Variants in IGSF21 observed in about 807,000 individuals in gnomAD.
The protein encoded by IGSF21 is immunoglobin superfamily member 21, also known as immunoglobulin superfamily member 21.
IGSF21 carries 28 observed loss-of-function variants against 46.8 expected under a neutral mutation model. The ratio of observed to expected loss-of-function variants is 0.60; its 90% CI spans 0.44 to 0.82. The LOEUF (loss-of-function observed/expected upper bound fraction) is 0.82, where lower values mean the gene tolerates loss of function less well. Ranked by LOEUF, IGSF21 falls within the 40% of genes least tolerant of loss-of-function variation. IGSF21 has a pLI of 0.00. For missense variants in IGSF21, 624 were observed against 665.5 expected, an observed-to-expected ratio of 0.94 and a Z score of 0.69; for synonymous variants, 284 against 273.6, an observed-to-expected ratio of 1.04 and a Z score of -0.38.
Position 18,362,201 on chromosome 1 carries a change from A to G in IGSF21, c.511A>G (p.Ile171Val), listed in dbSNP as rs770882323. The change falls in exon 5 of 10, where the codon ATC (isoleucine) becomes GTC (valine). Residue 171 changes from isoleucine to valine, a missense_variant. Ile to Val is a conservative substitution (Grantham distance 29). Transcript: ENST00000251296. Reference protein sequence around the residue: ...YQAQNFTLVCIVSGGKPAPMV... With the variant: ...YQAQNFTLVCVVSGGKPAPMV... The stretch of plus-strand genomic sequence containing the variant: ...AGCCCAGAACTTCACGCTGGTCTGC[A>G]TCGTGTCTGGAGGAAAACCAGCACC... 3 of 1,613,002 alleles carry G rather than the reference A, an allele frequency of 1.9e-6. No individual in the cohort carries two copies. The South Asian group carries it at 3.3e-5, about 18-fold the overall frequency.
intron 1 of IGSF21, among the ~76,000 whole-genome samples, chr1:18,121,803 C>T (rs1436954300): frequency 2.6e-5 from 4 of 152,192 alleles, no homozygotes; most frequent in Non-Finnish European, 5.9e-5. Flanking sequence ...CCCATTGGCT[C>T]TCAATGTCCA....
Position 18,365,714 on chromosome 1 carries a change from G to T in IGSF21, c.1015+17G>T, listed in dbSNP as rs200703466. The T allele has an allele frequency of 6.3e-7, 1 of 1,595,166 alleles. No homozygotes were observed. The highest frequency in any genetic ancestry group is 2.2e-5 in the East Asian group (1 of 44,612). Reference sequence around the variant, plus strand: ...TCACGCTGGGTAAGACTTGGTGGGGGCCCTTCTGTAGAGCCCTTGCAGACC... The same window carrying T: ...TCACGCTGGGTAAGACTTGGTGGGGTCCCTTCTGTAGAGCCCTTGCAGACC... On this transcript the variant is annotated intron_variant, in intron 6 of 9. Coordinates refer to ENST00000251296, the MANE Select transcript of IGSF21 (RefSeq NM_032880.5). The surrounding 1 kb of genome is among the most constrained non-coding windows in gnomAD (Gnocchi z 4.8).
In IGSF21 at chr1:18,210,479, G is replaced by T. The variant is rs188587338; in HGVS notation, c.71-17419G>T. Among the ~76,000 whole-genome samples the T allele has an allele frequency of 1.4e-4, 21 of 152,370 alleles. No homozygotes were observed. The East Asian group carries it at 4.0e-3, about 29-fold the overall frequency. On this transcript the variant is annotated intron_variant, in intron 1 of 9. Transcript: ENST00000251296. ...AGGTGTTAGGCATAGCTAGTGTGGG[G>T]TAACGTTTGGGGAGAAGTTTTCCAG...
At chr1:18,374,078 A>G (rs913149985) in intron 6 of IGSF21, among the ~76,000 whole-genome samples, 2 of 152,134 alleles carry the variant, frequency 1.3e-5, no homozygotes, top group Admixed American at 6.5e-5. Context: ...GATGCCCTTC[A>G]GCGCCCTCTC....
chr1:18,108,677 T>C (rs2086114268), intron 1 of IGSF21, among the ~76,000 whole-genome samples: 1 of 151,790 alleles, frequency 6.6e-6, no homozygotes, highest in Admixed American at 6.6e-5. Context: ...GTGTGAAGTG[T>C]GTGAGCTTGT....
intron 2 of IGSF21, among the ~76,000 whole-genome samples, chr1:18,255,941 C>G (rs1277873978): frequency 6.6e-6 from 1 of 152,232 alleles, no homozygotes; most frequent in Admixed American, 6.5e-5. Flanking sequence ...AGATGCACAT[C>G]TGATGGTGTC....
chr1:18,369,580 C>T (rs180875910), intron 6 of IGSF21, among the ~76,000 whole-genome samples: 3 of 152,276 alleles, frequency 2.0e-5, no homozygotes, highest in African/African-American at 7.2e-5. Context: ...TGCCATGAGC[C>T]AAAGAGTCGT....
chr1:18,245,335 G>A (rs2084774362), intron 2 of IGSF21, among the ~76,000 whole-genome samples: 1 of 152,092 alleles, frequency 6.6e-6, no homozygotes, highest in Non-Finnish European at 1.5e-5. Flanking sequence ...CTAATGTAAT[G>A]AATTATGTTG....
intron 3 of IGSF21, among the ~76,000 whole-genome samples, chr1:18,306,863 G>T (rs12127986): frequency 0.33 from 50,708 of 152,140 alleles, 11,073 homozygotes; most frequent in Non-Finnish European, 0.47. Flanking sequence ...CTTCCTCGGT[G>T]CACGATTGAG....
intron 3 of IGSF21, among the ~76,000 whole-genome samples, chr1:18,326,604 C>T (rs768728177): frequency 2.0e-5 from 3 of 152,190 alleles, no homozygotes; most frequent in Admixed American, 6.5e-5. Flanking sequence ...TAAATGAAGA[C>T]GTTTGAATTA....
chr1:18,144,245 A>G (rs973483746), intron 1 of IGSF21, among the ~76,000 whole-genome samples: 1 of 152,108 alleles, frequency 6.6e-6, no homozygotes, highest in African/African-American at 2.4e-5. Context: ...GCCCCTTCCC[A>G]GGACAGAGCA....
At chr1:18,142,924 A>T (rs992520199) in intron 1 of IGSF21, among the ~76,000 whole-genome samples, 1 of 152,100 alleles carries the variant, frequency 6.6e-6, no homozygotes, top group Non-Finnish European at 1.5e-5. Flanking sequence ...TCCAATCATG[A>T]CCTGAGTGTT....
intron 4 of IGSF21, among the ~76,000 whole-genome samples, chr1:18,341,044 C>CTT (rs55684986): frequency 0.28 from 23,254 of 82,984 alleles, 2,725 homozygotes; most frequent in Non-Finnish European, 0.3. Flanking sequence ...TCTTCTTCTT[C>CTT]CTCTTCCTCT....
At chr1:18,234,211 T>A (rs1021763421) in intron 2 of IGSF21, among the ~76,000 whole-genome samples, 2 of 152,130 alleles carry the variant, frequency 1.3e-5, no homozygotes, top group African/African-American at 4.8e-5. Context: ...GAAAAGGATG[T>A]GAGTGAGGAA....
chr1:18,224,990 G>A (rs2883820), intron 1 of IGSF21, among the ~76,000 whole-genome samples: 15,414 of 151,468 alleles, frequency 0.1, 975 homozygotes, highest in East Asian at 0.14. Flanking sequence ...GCCTGAACCC[G>A]GTAGGTGGAG....
chr1:18,197,552 G>A (rs182607494), intron 1 of IGSF21, among the ~76,000 whole-genome samples: 4 of 152,334 alleles, frequency 2.6e-5, no homozygotes, highest in Admixed American at 6.5e-5. Context: ...AATCCTCAGT[G>A]ATTCCCAGGC....
intron 1 of IGSF21, among the ~76,000 whole-genome samples, chr1:18,191,228 C>G (rs1331514364): frequency 6.6e-6 from 1 of 152,208 alleles, no homozygotes; most frequent in Admixed American, 6.5e-5. Flanking sequence ...AGGCCAGTCA[C>G]TTGCCCTCTC....
At chr1:18,128,469 C>T (rs1228851706) in intron 1 of IGSF21, among the ~76,000 whole-genome samples, 4 of 152,170 alleles carry the variant, frequency 2.6e-5, no homozygotes, top group African/African-American at 9.7e-5. Flanking sequence ...ATGGGGCCTT[C>T]TCTGGACTCT....
At chr1:18,214,867 A>G (rs867061119) in intron 1 of IGSF21, among the ~76,000 whole-genome samples, 2 of 152,060 alleles carry the variant, frequency 1.3e-5, no homozygotes, top group South Asian at 4.1e-4. Context: ...CTAGCCTCCC[A>G]AGTAGCTGGG....
Sources: gnomAD v4.1 joint callset for allele counts (sites outside exome capture counted in the v4.1 genomes callset) on GRCh38, gnomAD v4.1.1 for gene constraint, Gnocchi (gnomAD v3.1) non-coding constraint, MANE v1.5 for transcripts, NCBI Gene and HGNC (gene_info 2026-07-23, HGNC 2026-07-21) for gene names.